MALL: variants seen among roughly 807,000 people sequenced by gnomAD.
The protein encoded by MALL is mal, T cell differentiation protein like.
In MALL, 2 loss-of-function variants were observed where a neutral mutation model predicts 10.3. The ratio of observed to expected loss-of-function variants is 0.19; its 90% confidence interval spans 0.08 to 0.61. MALL has a LOEUF of 0.61. MALL is among the 20% of genes least tolerant of loss of function. The pLI is 0.88. For synonymous variants in MALL, 27 were observed against 51.8 expected (o/e 0.52, Z 2.05); for missense variants, 39 against 115.2 (o/e 0.34, Z 3.03).
At chr2:110,117,644 A>T (rs959625644), upstream of MALL, among the ~76,000 whole-genome samples, 1 of 151,318 alleles carries the variant, frequency 6.6e-6, no homozygotes, top group Non-Finnish European at 1.5e-5. Context: ...AGAGAGAGAG[A>T]GAGAGAGAGA....
intron 1 of MALL, among the ~76,000 whole-genome samples, chr2:110,104,046 C>T (rs925148076): frequency 6.6e-6 from 1 of 151,442 alleles, no homozygotes; most frequent in African/African-American, 2.4e-5. Flanking sequence ...ATTGTCTCTC[C>T]AGAATCAGCA....
chr2:110,097,417 G>T (rs534500133), intron 1 of MALL: 3 of 451,572 alleles, frequency 6.6e-6, no homozygotes, highest in Non-Finnish European at 1.3e-5. Context: ...AAAGAAAGTC[G>T]CGTGGGCACT....
At chr2:110,110,978 T>C (rs1235161042) in intron 1 of MALL, among the ~76,000 whole-genome samples, 2 of 152,184 alleles carry the variant, frequency 1.3e-5, no homozygotes, top group East Asian at 1.9e-4. Flanking sequence ...CACATGATCA[T>C]TTCAATAGAT....
chr2:110,113,156 G>C (rs754438322), intron 1 of MALL, among the ~76,000 whole-genome samples: 6 of 151,542 alleles, frequency 4.0e-5, no homozygotes, highest in Non-Finnish European at 8.8e-5. Context: ...TACAAATATG[G>C]GCCAGGCACG....
intron 1 of MALL, among the ~76,000 whole-genome samples, chr2:110,111,697 T>C (rs1313515220): frequency 2.0e-5 from 3 of 151,912 alleles, no homozygotes; most frequent in East Asian, 3.8e-4. Context: ...CCCATCAGAA[T>C]ACCACCATCA....
intron 1 of MALL, among the ~76,000 whole-genome samples, chr2:110,104,587 C>T (rs960073126): frequency 1.3e-5 from 2 of 152,194 alleles, no homozygotes; most frequent in Non-Finnish European, 2.9e-5. Context: ...ACTTCCTGGT[C>T]CTAGGCAGTC....
chr2:110,112,897 A>T (rs1459345147), intron 1 of MALL, among the ~76,000 whole-genome samples: 1 of 149,610 alleles, frequency 6.7e-6, no homozygotes, highest in Non-Finnish European at 1.5e-5. Context: ...TATATATATA[A>T]ATATATACAT....
intron 1 of MALL, among the ~76,000 whole-genome samples, chr2:110,106,388 G>A (rs913429871): frequency 6.6e-5 from 10 of 152,066 alleles, no homozygotes; most frequent in African/African-American, 1.9e-4. Context: ...GGTGTGAGCC[G>A]CACCCACCCC....
intron 1 of MALL, among the ~76,000 whole-genome samples, chr2:110,099,427 C>T (rs1678515119): frequency 6.6e-6 from 1 of 152,150 alleles, no homozygotes; most frequent in East Asian, 1.9e-4. Context: ...TATGAGGGTC[C>T]ACTGTGTTTT....
chr2:110,117,648 A>T (rs1300958701), upstream of MALL, among the ~76,000 whole-genome samples: 1 of 151,338 alleles, frequency 6.6e-6, no homozygotes, highest in East Asian at 1.9e-4. Context: ...AGAGAGAGAG[A>T]GAGAGAGAAA....
At chr2:110,115,593 G>A (rs1275741422) in intron 1 of MALL, 95 bp downstream of exon 1, 3 of 598,506 alleles carry the variant, frequency 5.0e-6, no homozygotes, top group Non-Finnish European at 7.4e-6. Flanking sequence ...TTCTCGGTCC[G>A]GTCTGGGTCT....
intron 1 of MALL, among the ~76,000 whole-genome samples, chr2:110,111,690 A>G (rs1377821143): frequency 6.6e-6 from 1 of 152,082 alleles, no homozygotes; most frequent in Non-Finnish European, 1.5e-5. Context: ...TGCAATCCCC[A>G]TCAGAATACC....
At chr2:110,114,944 G>A (rs1488961765) in intron 1 of MALL, among the ~76,000 whole-genome samples, 5 of 152,074 alleles carry the variant, frequency 3.3e-5, no homozygotes, top group Admixed American at 1.3e-4. Flanking sequence ...TGTGCAGTGC[G>A]GAACGCTGCA....
chr2:110,096,847 C>T lies in MALL; in HGVS notation c.106-5077G>A, dbSNP rs184683316. Among the ~76,000 whole-genome samples, 114 of 151,964 alleles carry T rather than the reference C, an allele frequency of 7.5e-4. 1 individual carries two copies. The highest frequency in any genetic ancestry group is 6.8e-3 in the Middle Eastern group (2 of 294). On this transcript the variant is annotated intron_variant, in intron 1 of 3. Coordinates refer to ENST00000272462, the MANE Select transcript of MALL (RefSeq NM_005434.5). ...CCAGGTTAAATAACTGTGCCATCAACGACTCTATTATTTTGGCAATATTGA... is the reference window on the plus strand; with the variant it reads ...CCAGGTTAAATAACTGTGCCATCAATGACTCTATTATTTTGGCAATATTGA...
In MALL at chr2:110,110,998, AC is replaced by A. The variant is rs1236513712; in HGVS notation, c.105+4689del. ...GATCATTTCAATAGATGCAGAAAAA[AC>A]ATTTGAAAAAATCCAGCATTGCTTT... On this transcript the variant is annotated intron_variant, in intron 1 of 3. Transcript: ENST00000272462. Among the ~76,000 whole-genome samples, 4 of 152,276 alleles carry A rather than the reference AC, an allele frequency of 2.6e-5. No homozygotes were observed. The East Asian group carries it at 5.8e-4, about 22-fold the overall frequency.
intron 1 of MALL, among the ~76,000 whole-genome samples, chr2:110,113,203 C>T (rs1022985406): frequency 6.6e-6 from 1 of 150,966 alleles, no homozygotes; most frequent in African/African-American, 2.4e-5. Flanking sequence ...TTTGGGAGGC[C>T]GAGGCAGGCG....
chr2:110,116,979 C>T (rs907583399), upstream of MALL, among the ~76,000 whole-genome samples: 2 of 152,156 alleles, frequency 1.3e-5, no homozygotes, highest in African/African-American at 4.8e-5. Flanking sequence ...GGTGGGGAGA[C>T]CAGCCAGCTT....
chr2:110,105,325 A>G (rs28411903), intron 1 of MALL, among the ~76,000 whole-genome samples: 2 of 152,136 alleles, frequency 1.3e-5, no homozygotes, highest in African/African-American at 2.4e-5. Context: ...GGCCCTTTTC[A>G]TCTTCTCTCC....
intron 1 of MALL, among the ~76,000 whole-genome samples, chr2:110,114,514 T>G (rs1038120538): frequency 6.6e-6 from 1 of 151,830 alleles, no homozygotes; most frequent in Admixed American, 6.6e-5. Context: ...GGTTATGTCA[T>G]CAGTCTGGCA....
Sources: allele counts gnomAD v4.1 joint callset (sites outside exome capture counted in the v4.1 genomes callset), GRCh38; gene constraint gnomAD v4.1.1; transcripts MANE v1.5; gene names NCBI Gene and HGNC (gene_info 2026-07-23, HGNC 2026-07-21).